WDPCP: variants seen among roughly 807,000 people sequenced by gnomAD.
WDPCP encodes WD repeat-containing and planar cell polarity effector protein fritz homolog.
Under a neutral mutation model 93.1 loss-of-function variants are expected in WDPCP, and 71 were observed. The observed-to-expected ratio is 0.76, with a 90% CI of 0.63 to 0.93. The LOEUF (loss-of-function observed/expected upper bound fraction) is 0.93, where lower values mean the gene tolerates loss of function less well. WDPCP is among the 40% of genes least tolerant of loss of function. WDPCP has a pLI of 0.00. For synonymous variants in WDPCP, 315 were observed against 315.0 expected (o/e 1.00, Z 0.00); for missense variants, 844 against 887.4 (o/e 0.95, Z 0.62).
intron 2 of WDPCP, among the ~76,000 whole-genome samples, chr2:63,679,494 G>C (rs262535): frequency 6.6e-6 from 1 of 151,900 alleles, no homozygotes; most frequent in African/African-American, 2.4e-5. Flanking sequence ...TCCTGGTTCT[G>C]CCCTATGGGA....
intron 1 of WDPCP, among the ~76,000 whole-genome samples, chr2:63,563,757 CCT>C (rs1213460133): frequency 1.3e-5 from 2 of 152,064 alleles, no homozygotes; most frequent in Admixed American, 6.5e-5. Flanking sequence ...AAACACACTC[CCT>C]GTTTCTCACC....
intron 13 of WDPCP, among the ~76,000 whole-genome samples, chr2:63,290,836 G>C (rs1386182016): frequency 6.6e-6 from 1 of 151,782 alleles, no homozygotes; most frequent in Non-Finnish European, 1.5e-5. Context: ...ACAATTTTTT[G>C]TTTCCTGGGT....
intron 14 of WDPCP, among the ~76,000 whole-genome samples, chr2:63,210,366 A>C (rs1676676232): frequency 6.6e-6 from 1 of 152,148 alleles, no homozygotes; most frequent in East Asian, 1.9e-4. Context: ...ACAGATTAAA[A>C]CTTCTTTGGT....
At chr2:63,706,742 G>A (rs1436323432) in intron 2 of WDPCP, among the ~76,000 whole-genome samples, 3 of 147,850 alleles carry the variant, frequency 2.0e-5, no homozygotes, top group South Asian at 2.2e-4. Context: ...TCAGCCTCCC[G>A]AGTAGCTGGG....
At chr2:63,354,124 C>G (rs1689831962) in intron 12 of WDPCP, among the ~76,000 whole-genome samples, 1 of 152,164 alleles carries the variant, frequency 6.6e-6, no homozygotes, top group Admixed American at 6.5e-5. Flanking sequence ...ATCCACACCT[C>G]TTACAAGCTG....
chr2:63,571,242 C>T (rs1707475457), intron 1 of WDPCP: 4 of 382,096 alleles, frequency 1.0e-5, no homozygotes, highest in Non-Finnish European at 2.0e-5. Context: ...CCATGTGTCA[C>T]TTTCCTCATG....
At position 63,625,672 on chromosome 2, in the gene WDPCP, G is replaced by A. The variant is rs116556921; in HGVS notation, n.488+24987C>T. ...CTCTTCAAGGGGAACTACAAACCAC[G>A]CTCAAGGCAATAAAAGAACACAAAC... is the stretch of plus-strand genomic sequence containing the variant. On this transcript the variant is annotated intron_variant and non_coding_transcript_variant, in intron 3 of 4. Coordinates refer to the WDPCP transcript ENST00000467687. Among the ~76,000 whole-genome samples, 1,220 of 152,126 alleles carry A rather than the reference G, an allele frequency of 8.0e-3. 16 individuals are homozygous for A. Among genetic ancestry groups the A allele is most frequent in the African/African-American group, 0.024 (992 of 41,516 alleles).
At chr2:63,385,920 T>C (rs1192540881) in intron 10 of WDPCP, among the ~76,000 whole-genome samples, 2 of 152,034 alleles carry the variant, frequency 1.3e-5, no homozygotes, top group Non-Finnish European at 2.9e-5. Context: ...GTACAGACAT[T>C]TAATTCACTA....
At chr2:63,693,531 A>G (rs1668919913) in intron 2 of WDPCP, among the ~76,000 whole-genome samples, 1 of 152,028 alleles carries the variant, frequency 6.6e-6, no homozygotes, top group South Asian at 2.1e-4. Context: ...AGGCCTGAAC[A>G]GTGGGGAGGA....
At chr2:63,225,108 A>G (rs894422654) in intron 14 of WDPCP, among the ~76,000 whole-genome samples, 1 of 151,826 alleles carries the variant, frequency 6.6e-6, no homozygotes, top group Non-Finnish European at 1.5e-5. Context: ...ATACTCAGGA[A>G]TGAAAAAATA....
intron 14 of WDPCP, among the ~76,000 whole-genome samples, chr2:63,191,821 A>ATAT (rs1408579450): frequency 1.3e-5 from 2 of 152,348 alleles, no homozygotes; most frequent in African/African-American, 4.8e-5. Flanking sequence ...CAAGAAAGAT[A>ATAT]TATTTTTAGA....
intron 12 of WDPCP, among the ~76,000 whole-genome samples, chr2:63,340,557 G>C (rs1688764753): frequency 6.6e-6 from 1 of 152,178 alleles, no homozygotes; most frequent in Admixed American, 6.5e-5. Context: ...CCCCAATATA[G>C]TGTGACTGCT....
At chr2:63,787,337 C>T (rs1381163112) in intron 2 of WDPCP, among the ~76,000 whole-genome samples, 1 of 151,638 alleles carries the variant, frequency 6.6e-6, no homozygotes, top group African/African-American at 2.4e-5. Context: ...CAGATTCCTA[C>T]ACCATAAGCA....
At chr2:63,606,127 A>G in intron 3 of WDPCP, 1 of 1,151,462 alleles carries the variant, frequency 8.7e-7, no homozygotes, top group Non-Finnish European at 1.3e-6. Flanking sequence ...CACGCCTATA[A>G]TCCCAACACT....
chr2:63,828,355 C>A (rs2104160196), upstream of WDPCP, among the ~76,000 whole-genome samples: 1 of 152,128 alleles, frequency 6.6e-6, no homozygotes, highest in South Asian at 2.1e-4. Context: ...TCCCTGAACC[C>A]AACTTCTTCA....
intron 9 of WDPCP, among the ~76,000 whole-genome samples, chr2:63,409,495 A>G (rs1694865643): frequency 6.6e-6 from 1 of 152,198 alleles, no homozygotes; most frequent in Non-Finnish European, 1.5e-5. Flanking sequence ...AAGGCTCTTT[A>G]GTACCCCCAA....
chr2:63,339,332 C>T (rs1413097697), intron 12 of WDPCP, among the ~76,000 whole-genome samples: 1 of 152,052 alleles, frequency 6.6e-6, no homozygotes, highest in Non-Finnish European at 1.5e-5. Flanking sequence ...GACATCACGT[C>T]CAGCTAATTT....
chr2:63,284,399 G>A (rs1463317881), intron 13 of WDPCP, among the ~76,000 whole-genome samples: 2 of 152,164 alleles, frequency 1.3e-5, no homozygotes, highest in Non-Finnish European at 2.9e-5. Context: ...GACAGAAAAT[G>A]TTCTAACCAT....
chr2:63,178,940 C>A (rs577096850), intron 14 of WDPCP, among the ~76,000 whole-genome samples: 3 of 152,134 alleles, frequency 2.0e-5, no homozygotes, highest in African/African-American at 7.2e-5. Context: ...GAGATGTAAT[C>A]CCCAGTGTTG....
Sources: allele counts gnomAD v4.1 joint callset (sites outside exome capture counted in the v4.1 genomes callset), GRCh38; gene constraint gnomAD v4.1.1; transcripts MANE v1.5; gene names NCBI Gene and HGNC (gene_info 2026-07-23, HGNC 2026-07-21).